PTPRE: variants seen among roughly 807,000 people sequenced by gnomAD.
PTPRE encodes the protein protein tyrosine phosphatase receptor type E.
Under a neutral mutation model 102.0 loss-of-function variants are expected in PTPRE, and 51 were observed. That is an observed-to-expected ratio of 0.50 (90% confidence interval 0.40 to 0.63). The LOEUF (loss-of-function observed/expected upper bound fraction) is 0.63. Ranked by LOEUF, PTPRE falls within the 30% of genes least tolerant of loss-of-function variation. The probability of loss-of-function intolerance (pLI) is 0.00; values close to 1 mark genes in which losing one functional copy is unlikely to be tolerated. For synonymous variants in PTPRE, 345 were observed against 348.2 expected (o/e 0.99, Z 0.10); for missense variants, 752 against 915.1 (o/e 0.82, Z 2.30).
At position 128,083,587 on chromosome 10, in the gene PTPRE, G is replaced by C. The variant is rs1851891472; in HGVS notation, c.*681G>C. 1 of 152,166 alleles carries C rather than the reference G, an allele frequency of 6.6e-6. No individual in the cohort carries two copies. Among genetic ancestry groups the C allele is most frequent in the Admixed American group, 6.5e-5 (1 of 15,270 alleles). The allele number at this position is 152,166 out of a possible 1,614,324, so 9.4% of individuals were successfully genotyped here. A position where few individuals can be genotyped will look rare whatever the true frequency, so the allele number is the denominator to read the frequency against. ...TGAACGAGAAGAGATGTAAATGCTG[G>C]GTGGTCCCGTTGACCCACGGCGTTG... is the stretch of plus-strand genomic sequence containing the variant. On this transcript the variant is annotated 3_prime_UTR_variant, in exon 21 of 21. Coordinates refer to ENST00000254667, the MANE Select transcript of PTPRE (RefSeq NM_006504.6).
intron 2 of PTPRE, among the ~76,000 whole-genome samples, chr10:127,988,141 G>C (rs78441864): frequency 6.6e-6 from 1 of 152,206 alleles, no homozygotes; most frequent in African/African-American, 2.4e-5. Context: ...ATGAGGTCTC[G>C]TGCCAAATGC....
intron 1 of PTPRE, among the ~76,000 whole-genome samples, chr10:127,925,595 G>A (rs117942196): frequency 0.036 from 5,516 of 152,318 alleles, 134 homozygotes; most frequent in Middle Eastern, 0.088. Flanking sequence ...GTCGAGGCCA[G>A]GCCACAGGAA....
chr10:127,993,712 G>A (rs74159117), intron 2 of PTPRE, among the ~76,000 whole-genome samples: 3,039 of 152,170 alleles, frequency 0.02, 115 homozygotes, highest in African/African-American at 0.07. Context: ...TCGTTCAAAA[G>A]GCAGGAAAAA....
chr10:128,027,171 A>T, intron 2 of PTPRE, among the ~76,000 whole-genome samples: 1 of 152,362 alleles, frequency 6.6e-6, no homozygotes, highest in East Asian at 1.9e-4. Flanking sequence ...CGCTTAGCAC[A>T]GGGCCTGGTG....
intron 2 of PTPRE, chr10:127,999,770 A>G: frequency 1.0e-6 from 1 of 985,430 alleles, no homozygotes; most frequent in Non-Finnish European, 1.2e-6. Flanking sequence ...TTCTGGTGAC[A>G]TAGTGTGAGT....
intron 1 of PTPRE, among the ~76,000 whole-genome samples, chr10:127,976,992 A>G (rs1379776694): frequency 6.6e-6 from 1 of 152,156 alleles, no homozygotes; most frequent in Non-Finnish European, 1.5e-5. Flanking sequence ...TCCCCACTAC[A>G]CTTAATTAAA....
chr10:128,069,923 C>T (rs1007626815), intron 13 of PTPRE, 96 bp downstream of exon 13: 78 of 1,579,596 alleles, frequency 4.9e-5, no homozygotes, highest in East Asian at 3.1e-4. Context: ...CTGATGGGCA[C>T]GTGGCAACCA....
At chr10:127,971,215 C>T (rs1157909147) in intron 1 of PTPRE, among the ~76,000 whole-genome samples, 1 of 152,170 alleles carries the variant, frequency 6.6e-6, no homozygotes, top group African/African-American at 2.4e-5. Flanking sequence ...CTGGGGCTGG[C>T]GCATTGGAAC....
Position 128,083,465 on chromosome 10 carries a change from A to T in PTPRE, c.*559A>T, listed in dbSNP as rs1851884371. On this transcript the variant is annotated 3_prime_UTR_variant, in exon 21 of 21. Coordinates refer to ENST00000254667, the MANE Select transcript of PTPRE (RefSeq NM_006504.6). The stretch of plus-strand genomic sequence containing the variant: ...GATCAAAGAAGTCTTTACAACCTGA[A>T]TCCAGGTCTAAAACACACTAGAGTA... The T allele has an allele frequency of 6.6e-6, 1 of 152,422 alleles. No homozygotes were observed. Among genetic ancestry groups the T allele is most frequent in the Non-Finnish European group, 1.5e-5 (1 of 68,200 alleles). The allele number at this position is 152,422 out of a possible 1,614,324, so 9.4% of individuals were successfully genotyped here. A position where few individuals can be genotyped will look rare whatever the true frequency, so the allele number is the denominator to read the frequency against.
chr10:128,016,882 C>G (rs576061445), intron 2 of PTPRE, among the ~76,000 whole-genome samples: 2 of 152,228 alleles, frequency 1.3e-5, no homozygotes, highest in Non-Finnish European at 2.9e-5. Context: ...GCTGTGGAGC[C>G]GGTGCCGCCC....
At chr10:128,052,403 A>G (rs1385190391) in intron 6 of PTPRE, among the ~76,000 whole-genome samples, 1 of 152,162 alleles carries the variant, frequency 6.6e-6, no homozygotes, top group Non-Finnish European at 1.5e-5. Flanking sequence ...TGAATGCTGG[A>G]GTCGGCCTGA....
At position 128,041,024 on chromosome 10, in the gene PTPRE, T is replaced by C. The variant is rs1045154634; in HGVS notation, c.109+34T>C. Reference sequence around the variant, plus strand: ...CCCTTTCCCTGGCTGCCTCCCCTACTACCTCCTCCTAAGCTCCTGGGACCA... The same window carrying C: ...CCCTTTCCCTGGCTGCCTCCCCTACCACCTCCTCCTAAGCTCCTGGGACCA... On this transcript the variant is annotated intron_variant, in intron 3 of 20. Transcript: ENST00000254667. The C allele has an allele frequency of 3.8e-6, 6 of 1,559,576 alleles. No individual in the cohort carries two copies. The African/African-American group carries it at 8.1e-5, about 21-fold the overall frequency.
intron 2 of PTPRE, among the ~76,000 whole-genome samples, chr10:128,000,309 A>G (rs144587193): frequency 1.3e-5 from 2 of 152,330 alleles, no homozygotes; most frequent in African/African-American, 4.8e-5. Flanking sequence ...CTTTAAGCAA[A>G]CAGAACACCC....
At chr10:127,919,895 C>T (rs903305762) in intron 1 of PTPRE, among the ~76,000 whole-genome samples, 2 of 151,416 alleles carry the variant, frequency 1.3e-5, no homozygotes, top group South Asian at 2.1e-4. Context: ...TGACATCAAT[C>T]GTGGTTATTT....
At chr10:128,058,202 T>G (rs1400121909) in intron 7 of PTPRE, among the ~76,000 whole-genome samples, 1 of 152,162 alleles carries the variant, frequency 6.6e-6, no homozygotes. Flanking sequence ...AGTCCCCTTC[T>G]CAAAGTGTGA....
chr10:128,004,400 T>TA (rs1175825938), intron 2 of PTPRE, among the ~76,000 whole-genome samples: 2 of 152,082 alleles, frequency 1.3e-5, no homozygotes, highest in African/African-American at 4.8e-5. Context: ...CTGAACCCAC[T>TA]AAGCAATCAA....
chr10:128,039,523 G>A (rs1451200133), intron 2 of PTPRE, among the ~76,000 whole-genome samples: 1 of 152,188 alleles, frequency 6.6e-6, no homozygotes, highest in Non-Finnish European at 1.5e-5. Context: ...CACCATCGTC[G>A]TTGTTCTGGG....
chr10:128,072,213 A>C lies in PTPRE; in HGVS notation c.1463A>C (p.Asp488Ala). 6.2e-7 allele frequency: 1 copy of C among 1,612,902 alleles called. No homozygotes were observed. The highest frequency in any genetic ancestry group is 1.7e-5 in the Admixed American group (1 of 59,960). The change falls in exon 16 of 21, where the codon GAC becomes GCC. Residue 488 changes from aspartate to alanine, a missense_variant and splice_region_variant. By Grantham distance (126) the Asp-to-Ala change is moderately radical (BLOSUM62 -2). Transcript: ENST00000254667. ...YTDYINASFIDGYRQKDYFIA... is the reference protein window; with the variant it reads ...YTDYINASFIAGYRQKDYFIA... ...GACTACATCAACGCATCCTTCATAG[A>C]CGTACGTATGCTGGCCTGGGTTGTG...
At chr10:128,002,119 C>T (rs1047957806) in intron 2 of PTPRE, among the ~76,000 whole-genome samples, 28 of 152,162 alleles carry the variant, frequency 1.8e-4, no homozygotes, top group African/African-American at 6.5e-4. Context: ...TGGGGACCTC[C>T]GGGGCAGCCA....
Sources: allele counts gnomAD v4.1 joint callset (sites outside exome capture counted in the v4.1 genomes callset), GRCh38; gene constraint gnomAD v4.1.1; transcripts MANE v1.5; gene names NCBI Gene and HGNC (gene_info 2026-07-23, HGNC 2026-07-21).